The following CREB5 variants were observed in gnomAD, a reference collection of about 807,000 sequenced individuals.
CREB5 encodes the protein cyclic AMP-responsive element-binding protein 5.
In CREB5, 19 loss-of-function variants were observed where a neutral mutation model predicts 57.1. The ratio of observed to expected loss-of-function variants is 0.33; its 90% CI spans 0.23 to 0.49. The LOEUF is 0.49. Among genes scored for constraint, CREB5 ranks in the 20% least tolerant of loss-of-function variants. The pLI is 0.99. For missense variants in CREB5, 579 were observed against 671.6 expected (o/e 0.86, Z 1.52); for synonymous variants, 238 against 238.3 (o/e 1.00, Z 0.01).
chr7:28,721,166 C>A (rs1273957364), intron 6 of CREB5, among the ~76,000 whole-genome samples: 2 of 152,134 alleles, frequency 1.3e-5, no homozygotes, highest in Non-Finnish European at 2.9e-5. Flanking sequence ...GTGGCAATAT[C>A]TGGAGACTCC....
chr7:28,493,775 G>T (rs1791905192), intron 2 of CREB5, among the ~76,000 whole-genome samples: 2 of 152,112 alleles, frequency 1.3e-5, no homozygotes, highest in African/African-American at 4.8e-5. Flanking sequence ...CAGCATTTTT[G>T]ATAACCATAA....
chr7:28,451,142 G>A (rs1236923082), intron 1 of CREB5, among the ~76,000 whole-genome samples: 1 of 152,182 alleles, frequency 6.6e-6, no homozygotes, highest in Admixed American at 6.5e-5. Context: ...GGTGTGAGGT[G>A]CGCAAAGGGA....
intron 1 of CREB5, among the ~76,000 whole-genome samples, chr7:28,458,772 G>A (rs539742542): frequency 2.0e-5 from 3 of 152,304 alleles, no homozygotes; most frequent in African/African-American, 7.2e-5. Flanking sequence ...TCTTGGAAGA[G>A]GTGTCATGGG....
At chr7:28,790,460 GAT>G (rs1198346796) in intron 7 of CREB5, among the ~76,000 whole-genome samples, 684 of 33,634 alleles carry the variant, frequency 0.02, 5 homozygotes, top group African/African-American at 0.035. Flanking sequence ...GAGAGAGAGA[GAT>G]AGAGAGAGAG....
chr7:28,790,459 AGATAGAGAGAGAG>A (rs1562643015), intron 7 of CREB5, among the ~76,000 whole-genome samples: 5 of 35,608 alleles, frequency 1.4e-4, no homozygotes, highest in Non-Finnish European at 2.6e-4. Context: ...AGAGAGAGAG[AGATAGAGAGAGAG>A]AGAAAGAAAG....
intron 5 of CREB5, among the ~76,000 whole-genome samples, chr7:28,689,149 A>G (rs1801108303): frequency 1.3e-5 from 2 of 152,146 alleles, no homozygotes; most frequent in Non-Finnish European, 2.9e-5. Context: ...ATTTTTATTC[A>G]GATAAGTATA....
intron 4 of CREB5, among the ~76,000 whole-genome samples, chr7:28,560,897 C>CGTGCGTGT (rs1554344444): frequency 0.019 from 436 of 22,530 alleles, 63 homozygotes; most frequent in African/African-American, 0.065. Context: ...CGTGTGTGTG[C>CGTGCGTGT]GTGCGCGCGT....
intron 4 of CREB5, among the ~76,000 whole-genome samples, chr7:28,548,441 G>A (rs1562789031): frequency 1.3e-5 from 2 of 152,132 alleles, no homozygotes; most frequent in East Asian, 1.9e-4. Context: ...GAAAATGACC[G>A]TTGTTAGTGA....
At chr7:28,480,406 G>A (rs1485415926) in intron 1 of CREB5, among the ~76,000 whole-genome samples, 1 of 152,202 alleles carries the variant, frequency 6.6e-6, no homozygotes, top group Non-Finnish European at 1.5e-5. Context: ...CATGGGGGCA[G>A]TTATTTTAAA....
chr7:28,551,829 CTTTCTTTCTTTCTT>C (rs1183437194), intron 4 of CREB5, among the ~76,000 whole-genome samples: 9 of 148,554 alleles, frequency 6.1e-5, no homozygotes, highest in African/African-American at 1.8e-4. Context: ...ATTTTTCTTT[CTTTCTTTCTTTCTT>C]TTTCTTTCTT....
chr7:28,313,933 T>C (rs1210156317), intron 1 of CREB5, among the ~76,000 whole-genome samples: 1 of 152,148 alleles, frequency 6.6e-6, no homozygotes, highest in Non-Finnish European at 1.5e-5. Flanking sequence ...TATATAATTT[T>C]AATAGAAATA....
At chr7:28,623,464 A>T (rs762713869) in intron 5 of CREB5, among the ~76,000 whole-genome samples, 11 of 152,210 alleles carry the variant, frequency 7.2e-5, no homozygotes, top group Non-Finnish European at 1.6e-4. Context: ...TCTGTTTGCG[A>T]GGGTTAAATG....
intron 1 of CREB5, among the ~76,000 whole-genome samples, chr7:28,476,173 A>C (rs1419779792): frequency 6.6e-6 from 1 of 152,210 alleles, no homozygotes; most frequent in Non-Finnish European, 1.5e-5. Flanking sequence ...CATATAGAAG[A>C]CAAAATAATT....
At chr7:28,786,205 C>T (rs1807315595) in intron 7 of CREB5, among the ~76,000 whole-genome samples, 1 of 152,102 alleles carries the variant, frequency 6.6e-6, no homozygotes, top group Non-Finnish European at 1.5e-5. Context: ...TTGATGTGCC[C>T]TGGATGATCT....
At chr7:28,581,939 A>G (rs1351756983) in intron 5 of CREB5, among the ~76,000 whole-genome samples, 1 of 152,180 alleles carries the variant, frequency 6.6e-6, no homozygotes, top group African/African-American at 2.4e-5. Context: ...CTCCTCTCCC[A>G]TTCTAGGCAT....
chr7:28,670,303 C>T (rs1195098876), intron 5 of CREB5, among the ~76,000 whole-genome samples: 1 of 152,204 alleles, frequency 6.6e-6, no homozygotes, highest in South Asian at 2.1e-4. Flanking sequence ...TTCTCTTTCT[C>T]TCTCAAAATA....
At chr7:28,415,278 A>G (rs1262961151) in intron 1 of CREB5, among the ~76,000 whole-genome samples, 2 of 152,016 alleles carry the variant, frequency 1.3e-5, no homozygotes, top group Non-Finnish European at 2.9e-5. Flanking sequence ...GGATTGATAG[A>G]CCAATTTTTC....
chr7:28,684,655 T>C (rs1214086357), intron 5 of CREB5, among the ~76,000 whole-genome samples: 2 of 152,164 alleles, frequency 1.3e-5, no homozygotes, highest in Non-Finnish European at 2.9e-5. Flanking sequence ...GCAGAGACAA[T>C]GTTTGTCTTA....
At chr7:28,316,268 G>T (rs1006908799) in intron 1 of CREB5, among the ~76,000 whole-genome samples, 1 of 152,068 alleles carries the variant, frequency 6.6e-6, no homozygotes, top group Non-Finnish European at 1.5e-5. Context: ...CTGTCAGTGG[G>T]TGATTTTCAG....
Sources: allele counts gnomAD v4.1 joint callset (sites outside exome capture counted in the v4.1 genomes callset), GRCh38; gene constraint gnomAD v4.1.1; transcripts MANE v1.5; gene names NCBI Gene and HGNC (gene_info 2026-07-23, HGNC 2026-07-21).